Variants in PNLIPRP3 observed in about 807,000 individuals in gnomAD.
The protein encoded by PNLIPRP3 is pancreatic lipase related protein 3, also known as pancreatic lipase-related protein 3.
In PNLIPRP3, 58 loss-of-function variants were observed where a neutral mutation model predicts 52.8. That is an observed-to-expected ratio of 1.10 (90% CI 0.89 to 1.37). The LOEUF is 1.37. Among genes scored for constraint, PNLIPRP3 ranks in the 40% most tolerant of loss-of-function variants. The probability of loss-of-function intolerance (pLI) is 0.00; values close to 1 mark genes in which losing one functional copy is unlikely to be tolerated. For missense variants in PNLIPRP3, 593 were observed against 561.6 expected, an observed-to-expected ratio of 1.06 and a Z score of -0.57; for synonymous variants, 192 against 185.0, an observed-to-expected ratio of 1.04 and a Z score of -0.31.
rs774757316 is a variant in PNLIPRP3, at chr10:116,466,058, TC to T, written c.819del (p.Phe274SerfsTer62). On this transcript the variant is annotated frameshift_variant, in exon 8 of 12. Coordinates refer to ENST00000369230, the MANE Select transcript of PNLIPRP3 (RefSeq NM_001011709.3). LOFTEE classifies it high-confidence loss of function. ...NFNAYKKEMASFFDCNHARSY... is the reference protein window; with the variant it reads ...NFNAYKKEMAXFFDCNHARSY... ...GGGAATTGTTTTCACAGAAATGGCTTCCTTCTTTGACTGTAACCATGCCCGA... is the reference window on the plus strand; with the variant it reads ...GGGAATTGTTTTCACAGAAATGGCTTCTTCTTTGACTGTAACCATGCCCGA... 6.2e-7 allele frequency: 1 copy of T among 1,611,876 alleles called. No homozygotes were observed. Among genetic ancestry groups the T allele is most frequent in the East Asian group, 2.2e-5 (1 of 44,850 alleles).
At position 116,463,384 on chromosome 10, in the gene PNLIPRP3, C is replaced by T. The variant is rs1164630588; in HGVS notation, c.808+2094C>T. On this transcript the variant is annotated intron_variant, in intron 7 of 11. Coordinates refer to ENST00000369230, the MANE Select transcript of PNLIPRP3 (RefSeq NM_001011709.3). ...GAGATGACCCTCCGTGTCAGGAACC[C>T]TGGGACTTGTTCTCCTCTGTCAGGT... Among the ~76,000 whole-genome samples the T allele has an allele frequency of 2.6e-5, 4 of 152,158 alleles. No homozygotes were observed. In the East Asian group the frequency reaches 7.7e-4, roughly 29 times the overall value.
chr10:116,473,898 T>C (rs1846415233), intron 10 of PNLIPRP3, among the ~76,000 whole-genome samples: 1 of 146,474 alleles, frequency 6.8e-6, no homozygotes, highest in Non-Finnish European at 1.5e-5. Context: ...AAACTACCAT[T>C]GAGTTTCTTC....
chr10:116,453,048 C>T (rs1253140737), intron 4 of PNLIPRP3, among the ~76,000 whole-genome samples: 1 of 152,202 alleles, frequency 6.6e-6, no homozygotes, highest in Non-Finnish European at 1.5e-5. Context: ...CCCCAGAGAG[C>T]AGCATGTGGG....
At chr10:116,476,605 G>T in intron 10 of PNLIPRP3, 47 bp from the exon 11 acceptor site, 1 of 1,441,384 alleles carries the variant, frequency 6.9e-7, no homozygotes, top group Non-Finnish European at 9.3e-7. Context: ...TTCATTCAGT[G>T]CTGTGAATAC....
intron 7 of PNLIPRP3, among the ~76,000 whole-genome samples, chr10:116,465,570 A>G (rs1013377520): frequency 6.6e-6 from 1 of 152,062 alleles, no homozygotes; most frequent in Non-Finnish European, 1.5e-5. Context: ...ACAAACAAAA[A>G]ACCTTGTTCA....
intron 4 of PNLIPRP3, 38 bp from the exon 5 acceptor site, chr10:116,455,684 G>A (rs954715135): frequency 6.8e-7 from 1 of 1,469,656 alleles, no homozygotes; most frequent in African/African-American, 1.4e-5. Flanking sequence ...TTCCACCGCT[G>A]TTTTTAAAAT....
chr10:116,440,357 A>C (rs899137846), intron 2 of PNLIPRP3, among the ~76,000 whole-genome samples: 1 of 152,120 alleles, frequency 6.6e-6, no homozygotes, highest in African/African-American at 2.4e-5. Flanking sequence ...AAAACTAAGT[A>C]CTTCCCTAAA....
chr10:116,472,043 T>C (rs183473185), intron 10 of PNLIPRP3, among the ~76,000 whole-genome samples, 164 bp downstream of exon 10: 236 of 152,280 alleles, frequency 1.5e-3, no homozygotes, highest in Admixed American at 3.1e-3. Flanking sequence ...AAATATAAAG[T>C]AGAAATCATA....
At chr10:116,428,112 C>T (rs1312112044) in intron 1 of PNLIPRP3, 51 bp downstream of exon 1, 3 of 1,272,788 alleles carry the variant, frequency 2.4e-6, no homozygotes, top group Non-Finnish European at 3.4e-6. Flanking sequence ...AGTATACTTA[C>T]ATCTAAAATG....
Position 116,444,402 on chromosome 10 carries a change from T to C in PNLIPRP3, c.345T>C (p.Asp115=), listed in dbSNP as rs377477525. The C allele has an allele frequency of 2.5e-5, 41 of 1,610,022 alleles. No individual in the cohort carries two copies. The highest frequency in any genetic ancestry group is 3.1e-5 in the Non-Finnish European group (36 of 1,177,608). The change falls in exon 4 of 12, where the codon GAT becomes GAC. Residue 115 remains aspartate (D), a synonymous_variant. Coordinates refer to ENST00000369230, the MANE Select transcript of PNLIPRP3 (RefSeq NM_001011709.3). ...GCCAGGTGTTGCTACAGCTGGAAGA[T>C]ATAAATTGCATTAATTTAGATTGGA... ...DMCNVLLQLE[D]INCINLDWIN...
chr10:116,458,894 A>T (rs1340658298), intron 5 of PNLIPRP3, among the ~76,000 whole-genome samples: 1 of 152,064 alleles, frequency 6.6e-6, no homozygotes, highest in African/African-American at 2.4e-5. Context: ...AAGTGGAGTG[A>T]TTGCATTTCC....
chr10:116,439,780 G>A (rs1483778002), intron 2 of PNLIPRP3: 7 of 772,760 alleles, frequency 9.1e-6, no homozygotes, highest in South Asian at 1.3e-5. Context: ...AGGGGCATTA[G>A]GATCCTTCTT....
intron 4 of PNLIPRP3, among the ~76,000 whole-genome samples, chr10:116,446,745 A>G (rs1845958504): frequency 6.6e-6 from 1 of 152,304 alleles, no homozygotes; most frequent in East Asian, 1.9e-4. Context: ...AGGCTCTTAC[A>G]TCCTGGGTAA....
Position 116,455,728 on chromosome 10 carries a change from T to A in PNLIPRP3, c.463T>A (p.Phe155Ile). Residue 155 changes from phenylalanine (F) to isoleucine (I), a missense_variant, in exon 5 of 12, where the codon TTT becomes ATT. Coordinates refer to ENST00000369230, the MANE Select transcript of PNLIPRP3 (RefSeq NM_001011709.3). The stretch of plus-strand genomic sequence containing the variant: ...TGTTAAACAATTCTTTCAGAAAAAA[T>A]TTGAATATTCCCCTTCTAAAGTGCA... Reference protein sequence around the residue: ...AYFIDVLMKKFEYSPSKVHLI... With the variant: ...AYFIDVLMKKIEYSPSKVHLI... The A allele has an allele frequency of 1.2e-6, 2 of 1,612,486 alleles. No individual in the cohort carries two copies. Among genetic ancestry groups the A allele is most frequent in the South Asian group, 1.1e-5 (1 of 90,840 alleles).
chr10:116,437,938 A>AGT (rs1845801047), intron 2 of PNLIPRP3, among the ~76,000 whole-genome samples: 1 of 152,216 alleles, frequency 6.6e-6, no homozygotes, highest in African/African-American at 2.4e-5. Context: ...AGAAAGCTAT[A>AGT]GTGCAGTTTG....
chr10:116,472,577 G>C (rs1336523282), intron 10 of PNLIPRP3, among the ~76,000 whole-genome samples: 1 of 152,158 alleles, frequency 6.6e-6, no homozygotes, highest in Non-Finnish European at 1.5e-5. Flanking sequence ...CTGGGCACAG[G>C]CACGAAAAGC....
chr10:116,455,058 TAA>T (rs1380933658), intron 4 of PNLIPRP3, among the ~76,000 whole-genome samples: 30 of 152,250 alleles, frequency 2.0e-4, no homozygotes, highest in African/African-American at 7.2e-4. Context: ...GTTTAATTTA[TAA>T]GAGACATTCT....
intron 2 of PNLIPRP3, chr10:116,439,856 C>T (rs982518399): frequency 5.1e-6 from 4 of 781,628 alleles, no homozygotes; most frequent in Middle Eastern, 2.4e-4. Flanking sequence ...ATCACCTTTG[C>T]CATTTCATCA....
intron 3 of PNLIPRP3, among the ~76,000 whole-genome samples, chr10:116,443,783 G>A (rs1168239523): frequency 2.4e-4 from 7 of 28,752 alleles, no homozygotes; most frequent in East Asian, 8.0e-4. Context: ...GTGTGTGTGT[G>A]TGTATGTATG....
Sources: allele counts gnomAD v4.1 joint callset (sites outside exome capture counted in the v4.1 genomes callset), GRCh38; gene constraint gnomAD v4.1.1; transcripts MANE v1.5; gene names NCBI Gene and HGNC (gene_info 2026-07-23, HGNC 2026-07-21).